PDE10A: variants seen among roughly 807,000 people sequenced by gnomAD.
The protein encoded by PDE10A is phosphodiesterase 10A.
PDE10A carries 39 observed loss-of-function variants against 97.7 expected under a neutral mutation model. The ratio of observed to expected loss-of-function variants is 0.40; its 90% CI spans 0.31 to 0.52. The LOEUF (loss-of-function observed/expected upper bound fraction) is 0.52. PDE10A is among the 20% of genes least tolerant of loss of function. PDE10A has a pLI of 0.56. For missense variants in PDE10A, 731 were observed against 1,047.8 expected, an observed-to-expected ratio of 0.70 and a Z score of 4.17; for synonymous variants, 371 against 376.8, an observed-to-expected ratio of 0.98 and a Z score of 0.18.
chr6:165,625,081 G>A (rs1343705375), intron 1 of PDE10A, among the ~76,000 whole-genome samples: 2 of 151,920 alleles, frequency 1.3e-5, no homozygotes, highest in African/African-American at 2.4e-5. Flanking sequence ...GTGAGAGAGA[G>A]AGTGCTGGAG....
chr6:165,441,002 T>C (rs1304085358), intron 5 of PDE10A, among the ~76,000 whole-genome samples: 6 of 152,194 alleles, frequency 3.9e-5, no homozygotes, highest in Non-Finnish European at 8.8e-5. Context: ...AATTCAGTCA[T>C]GAAAAAATTA....
intron 1 of PDE10A, among the ~76,000 whole-genome samples, chr6:165,783,629 C>T (rs946632342): frequency 1.3e-5 from 2 of 152,124 alleles, no homozygotes; most frequent in Admixed American, 6.5e-5. Context: ...GTAATATCAT[C>T]AGTTTAGAGA....
At chr6:165,609,101 T>C (rs2128400222) in intron 1 of PDE10A, among the ~76,000 whole-genome samples, 1 of 152,232 alleles carries the variant, frequency 6.6e-6, no homozygotes, top group Non-Finnish European at 1.5e-5. Flanking sequence ...GTGCAGAAGC[T>C]CTTTAGTTTA....
intron 1 of PDE10A, among the ~76,000 whole-genome samples, chr6:165,630,599 TA>T (rs1385195267): frequency 4.6e-5 from 7 of 152,222 alleles, no homozygotes; most frequent in African/African-American, 1.7e-4. Context: ...GTCTCAGACT[TA>T]CTCAGCATTG....
At chr6:165,660,847 G>C (rs1790215060) in intron 1 of PDE10A, 1 of 152,148 alleles carries the variant, frequency 6.6e-6, no homozygotes, top group African/African-American at 2.4e-5. Context: ...GCCGCGGGAA[G>C]CCGCACCCGC....
chr6:165,685,991 ATTGTGT>A (rs1356741245), intron 1 of PDE10A, among the ~76,000 whole-genome samples: 1 of 152,192 alleles, frequency 6.6e-6, no homozygotes, highest in Non-Finnish European at 1.5e-5. Flanking sequence ...CATGAGCCTA[ATTGTGT>A]TTGTGAATGG....
intron 1 of PDE10A, among the ~76,000 whole-genome samples, chr6:165,695,900 G>A (rs976261394): frequency 1.3e-5 from 2 of 152,304 alleles, no homozygotes; most frequent in Non-Finnish European, 2.9e-5. Context: ...TGTTTGTAAT[G>A]CAATTTATGC....
chr6:165,691,107 C>CTCTCTCTCCCCCT (rs1554305960), intron 1 of PDE10A, among the ~76,000 whole-genome samples: 1 of 13,402 alleles, frequency 7.5e-5, no homozygotes, highest in African/African-American at 1.9e-4. Context: ...CTTTCTCTCT[C>CTCTCTCTCCCCCT]CCCCCCCCCA....
chr6:165,356,152 C>T (rs138247458), intron 18 of PDE10A, among the ~76,000 whole-genome samples: 2 of 152,252 alleles, frequency 1.3e-5, no homozygotes, highest in African/African-American at 4.8e-5. Context: ...CCCCATGACT[C>T]AATCACCGCT....
intron 9 of PDE10A, 64 bp from the exon 10 acceptor site, chr6:165,428,773 G>T: frequency 1.7e-6 from 1 of 600,630 alleles, no homozygotes; most frequent in South Asian, 2.3e-5. Context: ...ATTACACTTT[G>T]AATTCATTTC....
intron 1 of PDE10A, among the ~76,000 whole-genome samples, chr6:165,611,407 G>C (rs1285977363): frequency 1.3e-5 from 2 of 152,188 alleles, no homozygotes; most frequent in Non-Finnish European, 2.9e-5. Context: ...TGCCAGTCCT[G>C]AGGAAGGGCT....
At chr6:165,446,300 G>A (rs1790843208) in intron 5 of PDE10A, among the ~76,000 whole-genome samples, 1 of 152,166 alleles carries the variant, frequency 6.6e-6, no homozygotes, top group East Asian at 1.9e-4. Context: ...ATGCATTTCA[G>A]ATGGAAGAAA....
intron 1 of PDE10A, among the ~76,000 whole-genome samples, chr6:165,603,341 T>C (rs888858376): frequency 3.0e-4 from 45 of 152,196 alleles, no homozygotes; most frequent in African/African-American, 9.6e-4. Context: ...TTTAGTGATA[T>C]AAGGTCAAGG....
intron 1 of PDE10A, among the ~76,000 whole-genome samples, chr6:165,731,674 G>GT (rs1480098753): frequency 1.3e-5 from 2 of 152,304 alleles, no homozygotes; most frequent in East Asian, 3.9e-4. Context: ...GCAGGAGGGA[G>GT]ACATTCCATA....
At chr6:165,746,335 CTT>C in intron 1 of PDE10A, among the ~76,000 whole-genome samples, 1 of 152,216 alleles carries the variant, frequency 6.6e-6, no homozygotes, top group South Asian at 2.1e-4. Context: ...TTTATTGACT[CTT>C]TCAAGATTCT....
At chr6:165,525,003 C>T (rs755031541) in intron 2 of PDE10A, among the ~76,000 whole-genome samples, 1 of 152,092 alleles carries the variant, frequency 6.6e-6, no homozygotes, top group African/African-American at 2.4e-5. Flanking sequence ...GGAGATAAAC[C>T]CTGCACTGCT....
At chr6:165,413,994 A>C (rs1182935288) in intron 12 of PDE10A, among the ~76,000 whole-genome samples, 7 of 152,228 alleles carry the variant, frequency 4.6e-5, no homozygotes, top group African/African-American at 1.7e-4. Flanking sequence ...CAGACCAAAA[A>C]AAAACGTGGA....
intron 1 of PDE10A, among the ~76,000 whole-genome samples, chr6:165,879,535 A>G (rs1431049291): frequency 2.0e-5 from 3 of 152,206 alleles, no homozygotes. Flanking sequence ...ACTTAATTAC[A>G]TTAGCAAGGT....
chr6:165,359,105 C>T (rs1162179802), intron 18 of PDE10A, among the ~76,000 whole-genome samples: 1 of 151,872 alleles, frequency 6.6e-6, no homozygotes, highest in African/African-American at 2.4e-5. Flanking sequence ...CCCTATCTTA[C>T]CCTAGTATTA....
Sources: gnomAD v4.1 joint callset for allele counts (sites outside exome capture counted in the v4.1 genomes callset) on GRCh38, gnomAD v4.1.1 for gene constraint, MANE v1.5 for transcripts, NCBI Gene and HGNC (gene_info 2026-07-23, HGNC 2026-07-21) for gene names.